PXDNL: variants seen among roughly 807,000 people sequenced by gnomAD.
The protein encoded by PXDNL is probable oxidoreductase PXDNL.
PXDNL carries 145 observed loss-of-function variants against 150.8 expected under a neutral mutation model. The ratio of observed to expected loss-of-function variants is 0.96; its 90% CI spans 0.84 to 1.10. PXDNL has a LOEUF of 1.10. Ranked by LOEUF, PXDNL falls within the 50% of genes least tolerant of loss-of-function variation. PXDNL has a pLI of 0.00. For synonymous variants in PXDNL, 757 were observed against 725.7 expected (o/e 1.04, Z -0.69); for missense variants, 2,087 against 1,873.9 (o/e 1.11, Z -2.10).
intron 3 of PXDNL, among the ~76,000 whole-genome samples, chr8:51,582,640 T>C (rs1370850495): frequency 6.6e-6 from 1 of 152,200 alleles, no homozygotes; most frequent in Non-Finnish European, 1.5e-5. Context: ...CCTCTTACTC[T>C]TGATTTTATG....
chr8:51,531,852 A>C (rs1368279491), intron 4 of PXDNL, among the ~76,000 whole-genome samples: 3 of 152,218 alleles, frequency 2.0e-5, no homozygotes, highest in Non-Finnish European at 4.4e-5. Context: ...CAAGTATAGA[A>C]ACAGGATTTG....
chr8:51,451,137 T>G (rs1000502889), intron 10 of PXDNL, among the ~76,000 whole-genome samples: 1 of 151,032 alleles, frequency 6.6e-6, no homozygotes, highest in Admixed American at 6.6e-5. Context: ...TTTAATTTTA[T>G]TTTAATTATT....
chr8:51,459,258 A>G (rs1488197201), intron 8 of PXDNL, among the ~76,000 whole-genome samples: 1 of 152,242 alleles, frequency 6.6e-6, no homozygotes, highest in Non-Finnish European at 1.5e-5. Flanking sequence ...AAAGTTCCCC[A>G]TTCAAGGGGC....
At chr8:51,499,627 G>T in intron 5 of PXDNL, 72 bp downstream of exon 5, 1 of 1,153,740 alleles carries the variant, frequency 8.7e-7, no homozygotes, top group Non-Finnish European at 1.3e-6. Flanking sequence ...TGATCTCCAC[G>T]GCAGTCAGAT....
intron 1 of PXDNL, among the ~76,000 whole-genome samples, chr8:51,659,373 C>A (rs1240043153): frequency 1.3e-5 from 2 of 152,164 alleles, no homozygotes; most frequent in East Asian, 3.9e-4. Flanking sequence ...GCTGATGAAG[C>A]TGGGGAAGAA....
chr8:51,490,847 T>C (rs769529314), intron 5 of PXDNL, among the ~76,000 whole-genome samples: 14 of 151,454 alleles, frequency 9.2e-5, no homozygotes, highest in Non-Finnish European at 1.6e-4. Flanking sequence ...ATGAATGAAA[T>C]AAAAATCTAT....
At chr8:51,491,776 C>T (rs1810901777) in intron 5 of PXDNL, among the ~76,000 whole-genome samples, 1 of 152,224 alleles carries the variant, frequency 6.6e-6, no homozygotes, top group African/African-American at 2.4e-5. Context: ...CACAAGAACA[C>T]AAGGTTAACA....
intron 8 of PXDNL, among the ~76,000 whole-genome samples, chr8:51,466,992 C>T (rs1810219173): frequency 6.6e-6 from 1 of 152,102 alleles, no homozygotes; most frequent in Non-Finnish European, 1.5e-5. Context: ...GAAGATTTCT[C>T]AAAGAAGTAA....
Position 51,409,144 on chromosome 8 carries a change from G to A in PXDNL, c.2480C>T (p.Ser827Leu), listed in dbSNP as rs1055311268. The change falls in exon 17 of 23, where the codon TCG becomes TTG. Residue 827 changes from serine to leucine, a missense_variant. Ser to Leu is a moderately radical substitution (Grantham distance 145). Coordinates refer to ENST00000356297, the MANE Select transcript of PXDNL (RefSeq NM_144651.5). ...GACGGAGCTGCACGGCCGCCCATCC[G>A]AGAAGCGGGCTGTGCTCAGCGCAGG... ...TVPALSTARF[S>L]DGRPCSSVCT... 4.4e-6 allele frequency: 7 copies of A among 1,603,866 alleles called. No individual in the cohort carries two copies. The highest frequency in any genetic ancestry group is 5.1e-6 in the Non-Finnish European group (6 of 1,178,342).
intron 14 of PXDNL, among the ~76,000 whole-genome samples, chr8:51,420,031 C>T (rs979978809): frequency 4.6e-5 from 7 of 152,094 alleles, no homozygotes; most frequent in Non-Finnish European, 1.0e-4. Flanking sequence ...CATAGATGCC[C>T]TGCTATAAAC....
rs780135369 is a variant in PXDNL, at chr8:51,345,914, G to T, written c.3935C>A (p.Thr1312Lys). ...CRSRGQFRAV[T>K]QESQKKRSAQ... ...TGAGCGTTTCTTTTGAGACTCTTGC[G>T]TCACTGCTCTGAACTGTCCTCTACT... Residue 1312 changes from threonine (T) to lysine (K), a missense_variant, in exon 20 of 23, where the codon ACG becomes AAG. Thr to Lys is a moderately conservative substitution (Grantham distance 78). Transcript: ENST00000356297. 4 of 1,613,294 alleles carry T rather than the reference G, an allele frequency of 2.5e-6. No individual in the cohort carries two copies. The highest frequency in any genetic ancestry group is 1.7e-5 in the Admixed American group (1 of 59,984).
At chr8:51,344,339 T>C (rs115957360) in intron 20 of PXDNL, among the ~76,000 whole-genome samples, 6,203 of 152,176 alleles carry the variant, frequency 0.041, 266 homozygotes, top group African/African-American at 0.11. Flanking sequence ...AGGCTGGTCT[T>C]GAACTCCTGG....
At chr8:51,801,354 C>G (rs1295043448) in intron 1 of PXDNL, among the ~76,000 whole-genome samples, 1 of 152,158 alleles carries the variant, frequency 6.6e-6, no homozygotes, top group African/African-American at 2.4e-5. Context: ...AGTATGTGCA[C>G]AGCTGAACAT....
At chr8:51,659,635 A>G (rs1004933616) in intron 1 of PXDNL, among the ~76,000 whole-genome samples, 1 of 152,122 alleles carries the variant, frequency 6.6e-6, no homozygotes, top group African/African-American at 2.4e-5. Context: ...CTCACCTCAC[A>G]GCCCATTATG....
At chr8:51,709,259 T>A (rs1049016635) in intron 1 of PXDNL, among the ~76,000 whole-genome samples, 5 of 152,020 alleles carry the variant, frequency 3.3e-5, no homozygotes, top group African/African-American at 1.2e-4. Context: ...AATCCCTTTT[T>A]TTTTTTTCTT....
At chr8:51,366,121 C>A (rs570268660) in intron 19 of PXDNL, among the ~76,000 whole-genome samples, 48 of 152,240 alleles carry the variant, frequency 3.2e-4, no homozygotes, top group African/African-American at 1.2e-3. Flanking sequence ...AGAGGATGAC[C>A]AAAAGAGGGA....
chr8:51,341,057 C>T (rs961212647), intron 20 of PXDNL, among the ~76,000 whole-genome samples: 1 of 152,166 alleles, frequency 6.6e-6, no homozygotes, highest in Non-Finnish European at 1.5e-5. Flanking sequence ...GGACGGTATT[C>T]ACAATTTAAC....
chr8:51,397,822 G>A (rs1808131690), intron 17 of PXDNL, among the ~76,000 whole-genome samples: 1 of 151,904 alleles, frequency 6.6e-6, no homozygotes, highest in African/African-American at 2.4e-5. Context: ...TGTTACATAT[G>A]TATACATGTG....
chr8:51,650,936 T>A (rs185571563), intron 2 of PXDNL, among the ~76,000 whole-genome samples: 26 of 152,126 alleles, frequency 1.7e-4, no homozygotes, highest in Non-Finnish European at 3.1e-4. Flanking sequence ...TGTATACAGA[T>A]TGGAAAGGAA....
Sources: gnomAD v4.1 joint callset for allele counts (sites outside exome capture counted in the v4.1 genomes callset) on GRCh38, gnomAD v4.1.1 for gene constraint, MANE v1.5 for transcripts, NCBI Gene and HGNC (gene_info 2026-07-23, HGNC 2026-07-21) for gene names.